Variants in MYOM1 observed in about 807,000 individuals in gnomAD.
The protein encoded by MYOM1 is myomesin-1.
In MYOM1, 164 loss-of-function variants were observed where a neutral mutation model predicts 205.3. The observed-to-expected ratio is 0.80, with a 90% CI of 0.70 to 0.91. The LOEUF (loss-of-function observed/expected upper bound fraction) is 0.91. MYOM1 is among the 40% of genes least tolerant of loss of function. MYOM1 has a pLI of 0.00. For missense variants in MYOM1, 2,011 were observed against 2,127.3 expected, an observed-to-expected ratio of 0.95 and a Z score of 1.08; for synonymous variants, 772 against 789.4, an observed-to-expected ratio of 0.98 and a Z score of 0.37.
intron 2 of MYOM1, among the ~76,000 whole-genome samples, chr18:3,198,343 G>A (rs769691872): frequency 4.6e-5 from 7 of 152,174 alleles, no homozygotes; most frequent in Non-Finnish European, 7.4e-5. Context: ...ATCCTTATGT[G>A]TTCAGGGTTA....
At chr18:3,089,840 C>T (rs895061971) in intron 27 of MYOM1, among the ~76,000 whole-genome samples, 1 of 152,164 alleles carries the variant, frequency 6.6e-6, no homozygotes, top group African/African-American at 2.4e-5. Flanking sequence ...TCTGGCCGGC[C>T]TTTCCATTGC....
intron 2 of MYOM1, among the ~76,000 whole-genome samples, chr18:3,198,586 C>A (rs2081023552): frequency 6.6e-6 from 1 of 152,120 alleles, no homozygotes; most frequent in African/African-American, 2.4e-5. Flanking sequence ...GAGTTCACGA[C>A]CAGCCTGGCC....
At chr18:3,159,659 A>C (rs552278973) in intron 10 of MYOM1, among the ~76,000 whole-genome samples, 20 of 152,364 alleles carry the variant, frequency 1.3e-4, no homozygotes, top group African/African-American at 4.3e-4. Flanking sequence ...CAATTTAATA[A>C]GAAAAAGGAA....
At chr18:3,237,601 A>C in the MYOM1 span, among the ~76,000 whole-genome samples, 1 of 141,200 alleles carries the variant, frequency 7.1e-6, no homozygotes, top group African/African-American at 2.8e-5. Context: ...TCCGTCTCAA[A>C]AAAAAAAAAA....
chr18:3,145,634 T>C (rs1267470572), intron 13 of MYOM1, among the ~76,000 whole-genome samples: 1 of 148,454 alleles, frequency 6.7e-6, no homozygotes, highest in Non-Finnish European at 1.5e-5. Flanking sequence ...GCTAAAGGAG[T>C]ACTTAGAAAA....
chr18:3,186,876 GAGAGAAAGAAAGAA>G (rs2080823796), intron 5 of MYOM1, among the ~76,000 whole-genome samples: 2 of 143,406 alleles, frequency 1.4e-5, no homozygotes, highest in African/African-American at 2.6e-5. Context: ...GGAAGGGAGA[GAGAGAAAGAAAGAA>G]AGAGAAAGAA....
chr18:3,224,932 T>C (rs1218297568), upstream of MYOM1, among the ~76,000 whole-genome samples: 22 of 150,838 alleles, frequency 1.5e-4, no homozygotes, highest in South Asian at 8.4e-4. Flanking sequence ...CCCAAAGTGC[T>C]GGGATTACAG....
chr18:3,191,747 G>GT (rs1238842450), intron 3 of MYOM1, among the ~76,000 whole-genome samples: 1 of 151,268 alleles, frequency 6.6e-6, no homozygotes, highest in Non-Finnish European at 1.5e-5. Flanking sequence ...CCAGGCTGGA[G>GT]TGCAGTGGCG....
intron 9 of MYOM1, among the ~76,000 whole-genome samples, chr18:3,166,095 A>G (rs1189555472): frequency 6.6e-6 from 1 of 152,162 alleles, no homozygotes; most frequent in African/African-American, 2.4e-5. Flanking sequence ...GACTCCATGT[A>G]TAAAACACAA....
chr18:3,086,050 C>G lies in MYOM1; in HGVS notation c.4239G>C (p.Leu1413=), dbSNP rs1206137156. 3.8e-6 allele frequency: 6 copies of G among 1,598,864 alleles called. No homozygotes were observed. Among genetic ancestry groups the G allele is most frequent in the Non-Finnish European group, 5.1e-6 (6 of 1,169,060 alleles). ...KHDFKDGICT[L]LITEFSKKDA... is the part of the protein sequence containing the mutation. ...TATAATCGCCTACCTCTGTTATAAGCAGGGTACATATACCATCCTTAAAGT... is the reference window on the plus strand; with the variant it reads ...TATAATCGCCTACCTCTGTTATAAGGAGGGTACATATACCATCCTTAAAGT... The change falls in exon 30 of 38, where the codon CTG becomes CTC. Residue 1413 remains leucine, a synonymous_variant. Transcript: ENST00000356443.
chr18:3,237,944 A>C, the MYOM1 span, among the ~76,000 whole-genome samples: 1 of 152,190 alleles, frequency 6.6e-6, no homozygotes, highest in Non-Finnish European at 1.5e-5. Context: ...ACCAGGGATC[A>C]GTTTCGAGGA....
intron 13 of MYOM1, among the ~76,000 whole-genome samples, chr18:3,147,022 C>A (rs1377721717): frequency 7.0e-6 from 1 of 142,254 alleles, no homozygotes; most frequent in East Asian, 2.0e-4. Flanking sequence ...TTTACAGCAT[C>A]ATCAGAAATA....
chr18:3,183,247 C>T (rs560950579), intron 5 of MYOM1, among the ~76,000 whole-genome samples: 5 of 152,158 alleles, frequency 3.3e-5, no homozygotes, highest in Non-Finnish European at 7.4e-5. Context: ...ACTTTTCTAC[C>T]GAGGCCAGTG....
At chr18:3,197,181 G>T (rs1027556565) in intron 2 of MYOM1, among the ~76,000 whole-genome samples, 5 of 148,946 alleles carry the variant, frequency 3.4e-5, no homozygotes, top group Non-Finnish European at 5.9e-5. Flanking sequence ...CTGTCACCCA[G>T]GCTGGAGTGC....
At chr18:3,130,952 A>G (rs894304290) in intron 17 of MYOM1, among the ~76,000 whole-genome samples, 3 of 152,248 alleles carry the variant, frequency 2.0e-5, no homozygotes, top group Non-Finnish European at 4.4e-5. Flanking sequence ...GTTTATAAGA[A>G]GCATGTTAAT....
chr18:3,193,515 C>T (rs1567961533), intron 3 of MYOM1, among the ~76,000 whole-genome samples: 1 of 151,984 alleles, frequency 6.6e-6, no homozygotes, highest in Non-Finnish European at 1.5e-5. Flanking sequence ...AAGTTCTGAT[C>T]ATTCTTGTTT....
intron 12 of MYOM1, among the ~76,000 whole-genome samples, chr18:3,150,073 A>C (rs2080195226): frequency 1.3e-5 from 2 of 151,854 alleles, no homozygotes; most frequent in African/African-American, 4.8e-5. Context: ...TATTATTATT[A>C]TTTTCAGATG....
chr18:3,184,780 G>A (rs569660949), intron 5 of MYOM1, among the ~76,000 whole-genome samples: 7 of 152,316 alleles, frequency 4.6e-5, no homozygotes, highest in African/African-American at 1.4e-4. Flanking sequence ...TGCTTTGCAC[G>A]GGGCTCAAGG....
At position 3,067,185 on chromosome 18, in the gene MYOM1, A is replaced by G; in HGVS notation, c.*77T>C. On this transcript the variant is annotated 3_prime_UTR_variant, in exon 38 of 38. Coordinates refer to ENST00000356443, the MANE Select transcript of MYOM1 (RefSeq NM_003803.4). ...CAGAAAATAATAGGGAGGAGAAAGC[A>G]TGAAGACGTCTCATCCTTAACCCAA... The G allele has an allele frequency of 7.0e-7, 1 of 1,432,836 alleles. No homozygotes were observed. The highest frequency in any genetic ancestry group is 9.4e-7 in the Non-Finnish European group (1 of 1,064,994). 88.8% of individuals were successfully genotyped at this position (1,432,836 alleles called of 1,614,324 possible).
Sources: gnomAD v4.1 joint callset for allele counts (sites outside exome capture counted in the v4.1 genomes callset) on GRCh38, gnomAD v4.1.1 for gene constraint, MANE v1.5 for transcripts, NCBI Gene and HGNC (gene_info 2026-07-23, HGNC 2026-07-21) for gene names.